Variants in ADORA3 observed in about 807,000 individuals in gnomAD.
ADORA3 encodes the protein adenosine A3 receptor, also known as adenosine receptor A3.
A neutral mutation model predicts 5.7 loss-of-function variants in ADORA3; 3 were observed. The observed-to-expected ratio is 0.52, with a 90% confidence interval of 0.24 to 1.35. The LOEUF (loss-of-function observed/expected upper bound fraction) is 1.35, where lower values mean the gene tolerates loss of function less well. Ranked by LOEUF, ADORA3 falls within the 40% of genes most tolerant of loss-of-function variation. The pLI is 0.17. For synonymous variants in ADORA3, 168 were observed against 152.3 expected (o/e 1.10, Z -0.76); for missense variants, 343 against 389.0 (o/e 0.88, Z 0.99).
In ADORA3 at chr1:111,503,217, G is replaced by A. The variant is rs555209778; in HGVS notation, c.138C>T (p.Thr46=). Residue 46 remains threonine, a synonymous_variant, in exon 1 of 2, where the codon ACC becomes ACT. Coordinates refer to ENST00000241356, the MANE Select transcript of ADORA3 (RefSeq NM_000677.4). ...CTAGAGAGACAATGAAATAGAAGGT[G>A]GTGGTCTGCAGGCTGGGGTTCAGCT... ...VVKLNPSLQT[T]TFYFIVSLAL... The A allele has an allele frequency of 2.5e-6, 4 of 1,614,252 alleles. No homozygotes were observed. The African/African-American group carries it at 4.0e-5, about 16-fold the overall frequency.
At chr1:111,502,183 GGATATATATATTATAATA>G (rs1458084920) in intron 1 of ADORA3, among the ~76,000 whole-genome samples, 697 of 48,110 alleles carry the variant, frequency 0.014, 125 homozygotes, top group East Asian at 0.036. Context: ...TAAATATATA[GGATATATATATTATAATA>G]AATATATAGG....
intron 1 of ADORA3, 96 bp from the exon 2 acceptor site, chr1:111,500,652 G>C (rs1655128129): frequency 1.7e-6 from 2 of 1,172,382 alleles, no homozygotes; most frequent in African/African-American, 3.1e-5. Flanking sequence ...GGTGAGATAA[G>C]GCATATACTC....
At position 111,500,397 on chromosome 1, in the gene ADORA3, G is replaced by A. The variant is rs373163241; in HGVS notation, c.510C>T (p.Ser170=). 79 of 1,614,074 alleles carry A rather than the reference G, an allele frequency of 4.9e-5. No individual in the cohort carries two copies. The East Asian group carries it at 6.0e-4, about 12-fold the overall frequency. Residue 170 remains serine, a synonymous_variant, in exon 2 of 2, where the codon TCC becomes TCT. Coordinates refer to ENST00000241356, the MANE Select transcript of ADORA3 (RefSeq NM_000677.4). ...ATACCATGTAGTCCATTCTCATGAC[G>A]GAAACAAATTGGCATGAAAGGAAGG... The part of the protein sequence containing the change: ...NVTFLSCQFV[S]VMRMDYMVYF...
rs1053381229 is a variant in ADORA3, at chr1:111,503,620, G to C, written c.-266C>G. The C allele has an allele frequency of 1.6e-6, 2 of 1,256,844 alleles. No individual in the cohort carries two copies. The allele number at this position is 1,256,844 out of a possible 1,614,324, so 77.9% of individuals were successfully genotyped here. ...CAAGTTTCCAGAATGCTGTAGGACA[G>C]CTCTATATGGACTGAATCTGAAAGT... On this transcript the variant is annotated 5_prime_UTR_variant, in exon 1 of 2. Coordinates refer to ENST00000241356, the MANE Select transcript of ADORA3 (RefSeq NM_000677.4).
At position 111,503,073 on chromosome 1, in the gene ADORA3, G is replaced by C. The variant is rs760933342; in HGVS notation, c.282C>G (p.Thr94=). The change falls in exon 1 of 2, where the codon ACC becomes ACG. Residue 94 remains threonine (T), a synonymous_variant. Coordinates refer to ENST00000241356, the MANE Select transcript of ADORA3 (RefSeq NM_000677.4). ...LFMTCLLLIF[T]HASIMSLLAI... Reference sequence around the variant, plus strand: ...CCAGCAAGGACATGATGGAGGCGTGGGTAAAGATAAGCAGTAGGCAAGTCA... The same window carrying C: ...CCAGCAAGGACATGATGGAGGCGTGCGTAAAGATAAGCAGTAGGCAAGTCA... 5.6e-6 allele frequency: 9 copies of C among 1,614,178 alleles called. No homozygotes were observed. The highest frequency in any genetic ancestry group is 7.6e-6 in the Non-Finnish European group (9 of 1,180,032).
At position 111,503,340 on chromosome 1, in the gene ADORA3, G is replaced by A; in HGVS notation, c.15C>T (p.Ser5=). 2 of 1,610,508 alleles carry A rather than the reference G, an allele frequency of 1.2e-6. No individual in the cohort carries two copies. Residue 5 remains serine (S), a synonymous_variant, in exon 1 of 2, where the codon AGC becomes AGT. Coordinates refer to ENST00000241356, the MANE Select transcript of ADORA3 (RefSeq NM_000677.4). MPNN[S]TALSLANVTY... ...TAACATTGGCCAATGACAGAGCAGT[G>A]CTGTTGTTGGGCATCTTGCCTTCCC...
Position 111,503,312 on chromosome 1 carries a change from A to G in ADORA3, c.43T>C (p.Tyr15His), listed in dbSNP as rs1356968060. ...STALSLANVT[Y>H]ITMEIFIGLC... ...CCAATGAAAATTTCCATGGTGATGT[A>G]GGTAACATTGGCCAATGACAGAGCA... is the stretch of plus-strand genomic sequence containing the variant. The change falls in exon 1 of 2, where the codon TAC becomes CAC. Residue 15 changes from tyrosine (Y) to histidine (H), a missense_variant. Tyr to His is a moderately conservative substitution (Grantham distance 83). Transcript: ENST00000241356. 2 of 1,614,060 alleles carry G rather than the reference A, an allele frequency of 1.2e-6. No homozygotes were observed. Among genetic ancestry groups the G allele is most frequent in the South Asian group, 1.1e-5 (1 of 91,026 alleles).
chr1:111,502,157 T>C (rs1266211229), intron 1 of ADORA3, among the ~76,000 whole-genome samples: 1 of 76,066 alleles, frequency 1.3e-5, no homozygotes, highest in East Asian at 3.0e-4. Flanking sequence ...ATATATAGGA[T>C]ATATATTTAT....
In ADORA3 at chr1:111,499,767, A is replaced by C. The variant is rs183973325; in HGVS notation, c.*183T>G. On this transcript the variant is annotated 3_prime_UTR_variant, in exon 2 of 2. Transcript: ENST00000241356. Reference sequence around the variant, plus strand: ...AATTAGAGAGAAAGGACAAGGGAAAAATGAAGTGGAGGAAGAGAGTAGTGG... The same window carrying C: ...AATTAGAGAGAAAGGACAAGGGAAACATGAAGTGGAGGAAGAGAGTAGTGG... 1.6e-4 allele frequency: 223 copies of C among 1,425,872 alleles called. 2 individuals are homozygous for C. The East Asian group carries it at 4.8e-3, about 31-fold the overall frequency. The allele number at this position is 1,425,872 out of a possible 1,614,324, so 88.3% of individuals were successfully genotyped here. A position where few individuals can be genotyped will look rare whatever the true frequency, so the allele number is the denominator to read the frequency against.
rs1655359276 is a variant in ADORA3, at chr1:111,503,412, G to A, written c.-58C>T. The A allele has an allele frequency of 6.5e-6, 10 of 1,536,946 alleles. No homozygotes were observed. The highest frequency in any genetic ancestry group is 8.8e-6 in the Non-Finnish European group (10 of 1,137,046). On this transcript the variant is annotated 5_prime_UTR_variant, in exon 1 of 2. Transcript: ENST00000241356. ...GGTGAGCCAGCAAGATCCGTCTGTA[G>A]GGCCAGTGGGCCTAGCTCTCGCCAG...
chr1:111,500,250 AC>A lies in ADORA3; in HGVS notation c.656del (p.Gly219ValfsTer58), dbSNP rs1401646862. On this transcript the variant is annotated frameshift_variant, in exon 2 of 2. Coordinates refer to ENST00000241356, the MANE Select transcript of ADORA3 (RefSeq NM_000677.4). LOFTEE classifies it low-confidence loss of function (END_TRUNC). ...TCTTGAACTCCCGTCCATAAAATGC[AC>A]CTGTCTCTTTGGAGTTAGATAAGTT... ...SLNLSNSKET[G>X]AFYGREFKTA... 5.6e-6 allele frequency: 9 copies of A among 1,614,080 alleles called. No individual in the cohort carries two copies. Among genetic ancestry groups the A allele is most frequent in the Non-Finnish European group, 6.8e-6 (8 of 1,180,044 alleles).
rs529928933 is a variant in ADORA3, at chr1:111,499,993, G to A, written c.914C>T (p.Pro305Leu). Reference protein sequence around the residue: ...LILKACVVCHPSDSLDTSIEK... With the variant: ...LILKACVVCHLSDSLDTSIEK... ...AATGCTTGTGTCCAAAGAATCAGAG[G>A]GATGGCAGACCACACAAGCTTTGAG... The change falls in exon 2 of 2, where the codon CCC becomes CTC. Residue 305 changes from proline (P) to leucine (L), a missense_variant. By Grantham distance (98) the Pro-to-Leu change is moderately conservative. Transcript: ENST00000241356. 45 of 1,614,084 alleles carry A rather than the reference G, an allele frequency of 2.8e-5. 1 individual carries two copies. In the South Asian group the frequency reaches 4.2e-4, roughly 15 times the overall value.
intron 1 of ADORA3, among the ~76,000 whole-genome samples, chr1:111,501,522 C>A (rs1655174039): frequency 6.6e-6 from 1 of 152,160 alleles, no homozygotes; most frequent in South Asian, 2.1e-4. Flanking sequence ...TGAGCACAGA[C>A]TGTGTGACAG....
At chr1:111,502,165 T>C (rs2265691) in intron 1 of ADORA3, among the ~76,000 whole-genome samples, 1,743 of 25,310 alleles carry the variant, frequency 0.069, 359 homozygotes, top group East Asian at 0.19. Context: ...GATATATATT[T>C]ATTATAATAA....
Position 111,503,090 on chromosome 1 carries a change from G to A in ADORA3, c.265C>T (p.Leu89=), listed in dbSNP as rs35789323. ...HFYSCLFMTC[L]LLIFTHASIM... ...GAGGCGTGGGTAAAGATAAGCAGTAGGCAAGTCATAAAAAGGCAGCTGTAG... is the reference window on the plus strand; with the variant it reads ...GAGGCGTGGGTAAAGATAAGCAGTAAGCAAGTCATAAAAAGGCAGCTGTAG... Residue 89 remains leucine, a synonymous_variant, in exon 1 of 2, where the codon CTA becomes TTA. Transcript: ENST00000241356. 952 of 1,614,190 alleles carry A rather than the reference G, an allele frequency of 5.9e-4. 5 individuals are homozygous for A. In the African/African-American group the frequency reaches 0.012, roughly 20 times the overall value.
Position 111,503,426 on chromosome 1 carries a change from A to T in ADORA3, c.-72T>A. 4.6e-6 allele frequency: 7 copies of T among 1,513,330 alleles called. No individual in the cohort carries two copies. Among genetic ancestry groups the T allele is most frequent in the Non-Finnish European group, 6.2e-6 (7 of 1,125,386 alleles). 93.7% of individuals were successfully genotyped at this position (1,513,330 alleles called of 1,614,324 possible). ...ATCCGTCTGTAGGGCCAGTGGGCCT[A>T]GCTCTCGCCAGACGTCTTCCCAGAG... On this transcript the variant is annotated 5_prime_UTR_variant, in exon 1 of 2. The change abolishes the stop of an existing upstream ORF in the 5' untranslated region. Transcript: ENST00000241356.
Position 111,500,224 on chromosome 1 carries a change from GT to G in ADORA3, c.682del (p.Thr228ArgfsTer49). 1 of 1,614,134 alleles carries G rather than the reference GT, an allele frequency of 6.2e-7. No homozygotes were observed. ...TGAFYGREFK[T>X]AKSLFLVLFL... ...AAGAACCAGAAACAAGGACTTAGCC[GT>G]CTTGAACTCCCGTCCATAAAATGCA... On this transcript the variant is annotated frameshift_variant, in exon 2 of 2. Coordinates refer to ENST00000241356, the MANE Select transcript of ADORA3 (RefSeq NM_000677.4). LOFTEE classifies it low-confidence loss of function (END_TRUNC).
Position 111,499,785 on chromosome 1 carries a change from A to T in ADORA3, c.*165T>A. 6.9e-7 allele frequency: 1 copy of T among 1,452,854 alleles called. No individual in the cohort carries two copies. The highest frequency in any genetic ancestry group is 2.4e-5 in the East Asian group (1 of 41,690). The allele number at this position is 1,452,854 out of a possible 1,614,324, so 90.0% of individuals were successfully genotyped here. A position where few individuals can be genotyped will look rare whatever the true frequency, so the allele number is the denominator to read the frequency against. On this transcript the variant is annotated 3_prime_UTR_variant, in exon 2 of 2. Coordinates refer to ENST00000241356, the MANE Select transcript of ADORA3 (RefSeq NM_000677.4). ...AGGGAAAAATGAAGTGGAGGAAGAG[A>T]GTAGTGGAGTGGGGGAGATATAATT...
rs570269736 is a variant in ADORA3 at position 111,503,109 on chromosome 1, G to C, written c.246C>G (p.Ser82Arg). The C allele has an allele frequency of 4.0e-5, 64 of 1,614,232 alleles. No homozygotes were observed. The highest frequency in any genetic ancestry group is 5.3e-5 in the Non-Finnish European group (63 of 1,180,026). ...GCAGTAGGCAAGTCATAAAAAGGCA[G>C]CTGTAGAAGTGGATTGTGATGCCCA... Reference protein sequence around the residue: ...VSLGITIHFYSCLFMTCLLLI... With the variant: ...VSLGITIHFYRCLFMTCLLLI... The change falls in exon 1 of 2, where the codon AGC becomes AGG. Residue 82 changes from serine to arginine, a missense_variant. Ser to Arg is a moderately radical substitution (Grantham distance 110). Coordinates refer to ENST00000241356, the MANE Select transcript of ADORA3 (RefSeq NM_000677.4).
Sources: gnomAD v4.1 joint callset for allele counts (sites outside exome capture counted in the v4.1 genomes callset) on GRCh38, gnomAD v4.1.1 for gene constraint, MANE v1.5 for transcripts, NCBI Gene and HGNC (gene_info 2026-07-23, HGNC 2026-07-21) for gene names.